MYO1D: variants seen among roughly 807,000 people sequenced by gnomAD.
The protein encoded by MYO1D is myosin ID.
In MYO1D, 83 loss-of-function variants were observed where a neutral mutation model predicts 122.0. That is an observed-to-expected ratio of 0.68 (90% CI 0.57 to 0.82). The LOEUF is 0.82. Ranked by LOEUF, MYO1D falls within the 40% of genes least tolerant of loss-of-function variation. The pLI is 0.00. For synonymous variants in MYO1D, 464 were observed against 446.9 expected, an observed-to-expected ratio of 1.04 and a Z score of -0.48; for missense variants, 1,157 against 1,269.5, an observed-to-expected ratio of 0.91 and a Z score of 1.35.
intron 1 of MYO1D, among the ~76,000 whole-genome samples, chr17:32,798,552 T>C (rs1334893511): frequency 6.6e-6 from 1 of 152,188 alleles, no homozygotes; most frequent in Non-Finnish European, 1.5e-5. Context: ...TCTACGGTGC[T>C]AATCTGGTAA....
intron 15 of MYO1D, among the ~76,000 whole-genome samples, chr17:32,720,568 T>C (rs563578073): frequency 2.0e-5 from 3 of 152,328 alleles, no homozygotes; most frequent in African/African-American, 4.8e-5. Context: ...CCAGTAATGA[T>C]AGGCAGTGTT....
chr17:32,811,288 C>G (rs530354086), intron 1 of MYO1D, among the ~76,000 whole-genome samples: 1 of 152,344 alleles, frequency 6.6e-6, no homozygotes, highest in East Asian at 1.9e-4. Context: ...GTCAAACCTA[C>G]TCATCCTGTT....
intron 1 of MYO1D, among the ~76,000 whole-genome samples, chr17:32,784,643 T>C (rs143310586): frequency 1.5e-4 from 23 of 152,296 alleles, no homozygotes; most frequent in East Asian, 3.9e-4. Flanking sequence ...AATAATGACA[T>C]TGGCAAACAA....
intron 15 of MYO1D, among the ~76,000 whole-genome samples, chr17:32,720,044 A>C (rs1422142953): frequency 6.6e-6 from 1 of 152,164 alleles, no homozygotes; most frequent in East Asian, 1.9e-4. Flanking sequence ...TTGACCAACT[A>C]ATCTAAAGTA....
chr17:32,520,250 C>A (rs1356247024), intron 21 of MYO1D, among the ~76,000 whole-genome samples: 3 of 152,188 alleles, frequency 2.0e-5, no homozygotes, highest in Non-Finnish European at 4.4e-5. Flanking sequence ...GCCCCGGGAC[C>A]TGCCGCACAC....
intron 16 of MYO1D, among the ~76,000 whole-genome samples, chr17:32,695,633 C>A (rs116628712): frequency 1.9e-3 from 287 of 152,292 alleles, no homozygotes; most frequent in African/African-American, 6.6e-3. Flanking sequence ...GTAACAAATA[C>A]CCCTATGCAC....
chr17:32,508,983 T>C (rs1909593739), intron 21 of MYO1D, among the ~76,000 whole-genome samples: 1 of 152,236 alleles, frequency 6.6e-6, no homozygotes. Flanking sequence ...AAAGAATGAA[T>C]TTTTATAAAA....
chr17:32,594,716 A>G, intron 21 of MYO1D: 1 of 402,356 alleles, frequency 2.5e-6, no homozygotes, highest in Non-Finnish European at 4.4e-6. Flanking sequence ...GTTCTTACAT[A>G]AAGGGCATAT....
chr17:32,549,381 C>T (rs2086991361), intron 21 of MYO1D, among the ~76,000 whole-genome samples: 1 of 152,190 alleles, frequency 6.6e-6, no homozygotes, highest in Non-Finnish European at 1.5e-5. Context: ...CAGGTGTGAG[C>T]CACTGCACCC....
intron 21 of MYO1D, among the ~76,000 whole-genome samples, chr17:32,569,088 T>C (rs1425383651): frequency 3.3e-5 from 5 of 152,240 alleles, no homozygotes; most frequent in Non-Finnish European, 5.9e-5. Context: ...ATCTGGTGCC[T>C]TTTAAATAAA....
intron 21 of MYO1D, chr17:32,523,271 G>A (rs1337359699): frequency 6.6e-6 from 1 of 152,558 alleles, no homozygotes; most frequent in East Asian, 1.9e-4. Flanking sequence ...AGGGGAAAGA[G>A]AAGAAAGGTA....
intron 21 of MYO1D, among the ~76,000 whole-genome samples, chr17:32,538,948 T>G (rs938535132): frequency 1.3e-5 from 2 of 151,696 alleles, no homozygotes; most frequent in Non-Finnish European, 2.9e-5. Context: ...AGAGGCCGGT[T>G]GTGGGTGGGG....
rs1286598959 is a variant in MYO1D, at chr17:32,772,808, C to T, written c.599G>A (p.Ser200Asn). 1.9e-6 allele frequency: 3 copies of T among 1,612,762 alleles called. No individual in the cohort carries two copies. Among genetic ancestry groups the T allele is most frequent in the East Asian group, 4.5e-5 (2 of 44,878 alleles). Residue 200 changes from serine (S) to asparagine (N), a missense_variant, in exon 5 of 22, where the codon AGC becomes AAC. By Grantham distance (46) the Ser-to-Asn change is conservative. Transcript: ENST00000318217. ...ACTAACCTGATAGAAAGAATGAAAG[C>T]TTCTTTCTCCTGGCTGTTGCACAAT... is the stretch of plus-strand genomic sequence containing the variant. ...RVIVQQPGER[S>N]FHSFYQLLQG... is the part of the protein sequence containing the mutation.
intron 20 of MYO1D, among the ~76,000 whole-genome samples, chr17:32,626,335 T>C (rs866546461): frequency 1.4e-4 from 22 of 152,176 alleles, no homozygotes; most frequent in African/African-American, 5.3e-4. Context: ...AATATATACA[T>C]CTCCGTGTAT....
rs573238267 is a variant in MYO1D at position 32,494,890 on chromosome 17, C to A, written c.2890G>T (p.Val964Phe). 2 of 1,604,794 alleles carry A rather than the reference C, an allele frequency of 1.2e-6. No individual in the cohort carries two copies. The highest frequency in any genetic ancestry group is 1.7e-6 in the Non-Finnish European group (2 of 1,174,262). ...KSEKRHLQVN[V>F]TNPVQCSLHG... ...AGGCTGCACTGTACTGGGTTGGTGA[C>A]GTTCACTTGAAGGTGGCGCTTCTCA... The change falls in exon 22 of 22, where the codon GTC (valine) becomes TTC (phenylalanine). Residue 964 changes from valine (V) to phenylalanine (F), a missense_variant. Val to Phe is a conservative substitution (Grantham distance 50). Coordinates refer to ENST00000318217, the MANE Select transcript of MYO1D (RefSeq NM_015194.3).
chr17:32,865,729 C>T (rs913599664), intron 1 of MYO1D, among the ~76,000 whole-genome samples: 3 of 152,190 alleles, frequency 2.0e-5, no homozygotes, highest in African/African-American at 7.2e-5. Flanking sequence ...TAAAGGCAAT[C>T]CCATGCTGGG....
At chr17:32,522,918 G>T (rs1023856159) in intron 21 of MYO1D, among the ~76,000 whole-genome samples, 1 of 150,028 alleles carries the variant, frequency 6.7e-6, no homozygotes. Flanking sequence ...CTGGGTTCAC[G>T]CCATTCTCCT....
rs183797261 is a variant in MYO1D at position 32,743,445 on chromosome 17, A to G, written c.1613+1766T>C. 6.4e-4 allele frequency among the ~76,000 whole-genome samples: 97 copies of G among 152,194 alleles called. 2 individuals carry two copies. Among genetic ancestry groups the G allele is most frequent in the South Asian group, 1.7e-3 (8 of 4,818 alleles). On this transcript the variant is annotated intron_variant, in intron 13 of 21. Coordinates refer to ENST00000318217, the MANE Select transcript of MYO1D (RefSeq NM_015194.3). ...TTAGCGTTTCCTCTTGTCTTCTCCTATCAGGCTCAGGTATCACCTTTGATT... is the reference window on the plus strand; with the variant it reads ...TTAGCGTTTCCTCTTGTCTTCTCCTGTCAGGCTCAGGTATCACCTTTGATT...
At chr17:32,871,773 G>C (rs1159637790) in intron 1 of MYO1D, among the ~76,000 whole-genome samples, 1 of 152,208 alleles carries the variant, frequency 6.6e-6, no homozygotes, top group Non-Finnish European at 1.5e-5. Flanking sequence ...AGTGTGCGGA[G>C]TAAGGAGCAC....
Sources: gnomAD v4.1 joint callset for allele counts (sites outside exome capture counted in the v4.1 genomes callset) on GRCh38, gnomAD v4.1.1 for gene constraint, MANE v1.5 for transcripts, NCBI Gene and HGNC (gene_info 2026-07-23, HGNC 2026-07-21) for gene names.